CA5B: variants seen among roughly 807,000 people sequenced by gnomAD.
CA5B encodes carbonic anhydrase 5B, mitochondrial.
In CA5B, 15 loss-of-function variants were observed where a neutral mutation model predicts 23.1. That is an observed-to-expected ratio of 0.65 (90% CI 0.43 to 1.00). The LOEUF (loss-of-function observed/expected upper bound fraction) is 1.00. CA5B is among the 50% of genes least tolerant of loss of function. CA5B has a pLI of 0.00. For synonymous variants in CA5B, 84 were observed against 98.5 expected (o/e 0.85, Z 0.87); for missense variants, 236 against 252.2 (o/e 0.94, Z 0.43).
chrX:15,769,227 T>C (rs1264713179), intron 3 of CA5B, among the ~76,000 whole-genome samples: 1 of 111,290 alleles, frequency 9.0e-6, no homozygotes, highest in Non-Finnish European at 1.9e-5. Flanking sequence ...AAGACTCAAA[T>C]TACTAAACTC....
chrX:15,770,601 A>G (rs1407450067), intron 3 of CA5B, among the ~76,000 whole-genome samples: 3 of 108,913 alleles, frequency 2.8e-5, no homozygotes, highest in South Asian at 4.1e-4. Flanking sequence ...CTTGATGACT[A>G]TATTTCCTTC....
At position 15,784,328 on chromosome X, in the gene CA5B, A is replaced by G. The variant is rs1377620594; in HGVS notation, c.*1664A>G. ...AGAGCTATCCCGTCTTCCCTTTACAACTGTCTGAACTTTATTTACTCATTA... is the reference window on the plus strand; with the variant it reads ...AGAGCTATCCCGTCTTCCCTTTACAGCTGTCTGAACTTTATTTACTCATTA... On this transcript the variant is annotated 3_prime_UTR_variant, in exon 8 of 8. Transcript: ENST00000318636. 7.1e-5 allele frequency: 8 copies of G among 112,689 alleles called. No homozygotes were observed. The highest frequency in any genetic ancestry group is 2.6e-4 in the African/African-American group (8 of 31,044). 9.3% of individuals were successfully genotyped at this position (112,689 alleles called of 1,213,427 possible).
chrX:15,740,372 G>T (rs1931093962), intron 1 of CA5B, among the ~76,000 whole-genome samples: 1 of 112,749 alleles, frequency 8.9e-6, no homozygotes, highest in African/African-American at 3.2e-5. Flanking sequence ...CAGTGAGTAA[G>T]TTTAAATAAC....
chrX:15,743,421 C>T (rs768627424), intron 1 of CA5B, among the ~76,000 whole-genome samples: 1 of 112,382 alleles, frequency 8.9e-6, no homozygotes, highest in South Asian at 3.7e-4. Flanking sequence ...ACCTGTATCC[C>T]CTACTAAAAT....
intron 3 of CA5B, among the ~76,000 whole-genome samples, chrX:15,768,176 T>C (rs7054868): frequency 0.4 from 44,030 of 109,297 alleles, 6,810 homozygotes; most frequent in African/African-American, 0.53. Flanking sequence ...AGATTATAGG[T>C]GTGAGCCACT....
chrX:15,778,775 G>A lies in CA5B; in HGVS notation c.774+1906G>A, dbSNP rs183999850. On this transcript the variant is annotated intron_variant, in intron 7 of 7. Coordinates refer to ENST00000318636, the MANE Select transcript of CA5B (RefSeq NM_007220.4). ...GAAGAGAGAGAGAGAGATGGGGGAA[G>A]TGCCACACACTTTTAAACCGTCAGA... Among the ~76,000 whole-genome samples, 157 of 110,470 alleles carry A rather than the reference G, an allele frequency of 1.4e-3. 1 individual carries two copies. The highest frequency in any genetic ancestry group is 2.6e-3 in the Non-Finnish European group (136 of 52,878).
chrX:15,781,357 C>T (rs1271518734), intron 7 of CA5B, among the ~76,000 whole-genome samples: 1 of 111,847 alleles, frequency 8.9e-6, no homozygotes, highest in Non-Finnish European at 1.9e-5. Flanking sequence ...AGAGAACAAG[C>T]CGTTGATATT....
chrX:15,741,052 C>T (rs1242718076), intron 1 of CA5B, among the ~76,000 whole-genome samples: 1 of 109,899 alleles, frequency 9.1e-6, no homozygotes, highest in Non-Finnish European at 1.9e-5. Context: ...ACAGAGACCC[C>T]ATCTCGTTCT....
At chrX:15,782,106 T>G (rs1266170562) in intron 7 of CA5B, among the ~76,000 whole-genome samples, 1 of 112,414 alleles carries the variant, frequency 8.9e-6, no homozygotes, top group Non-Finnish European at 1.9e-5. Context: ...GGGCTTTCCT[T>G]TCTCATTCTG....
intron 1 of CA5B, among the ~76,000 whole-genome samples, chrX:15,742,879 G>A (rs932323715): frequency 8.9e-6 from 1 of 111,914 alleles, no homozygotes; most frequent in Admixed American, 9.4e-5. Context: ...GGTGGAACTG[G>A]CATCTATTGG....
chrX:15,774,847 C>G (rs1015469567), intron 5 of CA5B, among the ~76,000 whole-genome samples: 3 of 111,339 alleles, frequency 2.7e-5, no homozygotes, highest in Non-Finnish European at 5.7e-5. Context: ...CCCCCACCAC[C>G]AAAAAAATAT....
chrX:15,783,864 A>G lies in CA5B; in HGVS notation c.*1200A>G, dbSNP rs754119851. The G allele has an allele frequency of 9.7e-6, 1 of 103,571 alleles. No individual in the cohort carries two copies. The highest frequency in any genetic ancestry group is 4.2e-4 in the South Asian group (1 of 2,400). The allele number at this position is 103,571 out of a possible 1,213,427, so 8.5% of individuals were successfully genotyped here. Reference sequence around the variant, plus strand: ...AGAACTTAGAATTCTTTCATTGCACATTTCCAGAAATATTTTTCTTTTCTT... The same window carrying G: ...AGAACTTAGAATTCTTTCATTGCACGTTTCCAGAAATATTTTTCTTTTCTT... On this transcript the variant is annotated 3_prime_UTR_variant, in exon 8 of 8. Transcript: ENST00000318636.
intron 2 of CA5B, 36 bp from the exon 3 acceptor site, chrX:15,764,542 A>G (rs915110190): frequency 6.6e-6 from 8 of 1,207,879 alleles, no homozygotes; most frequent in Non-Finnish European, 9.0e-6. Flanking sequence ...ACTCGGTCCA[A>G]CAGTCTTGAT....
intron 2 of CA5B, among the ~76,000 whole-genome samples, chrX:15,751,771 C>G (rs1931359780): frequency 9.0e-6 from 1 of 111,038 alleles, no homozygotes; most frequent in South Asian, 3.7e-4. Context: ...TTATACTGTT[C>G]CAACCTGTTT....
chrX:15,771,452 A>T (rs1050879503), intron 3 of CA5B, among the ~76,000 whole-genome samples: 1 of 107,142 alleles, frequency 9.3e-6, no homozygotes, highest in Middle Eastern at 4.8e-3. Flanking sequence ...TTTGCGACAG[A>T]GTCTCGGTCT....
chrX:15,750,163 C>T lies in CA5B; in HGVS notation c.140C>T (p.Ala47Val), dbSNP rs756873583. The T allele has an allele frequency of 4.9e-5, 58 of 1,194,362 alleles. 1 individual carries two copies. Among genetic ancestry groups the T allele is most frequent in the East Asian group, 5.9e-5 (2 of 33,724 alleles). Reference sequence around the variant, plus strand: ...TGTACTTACAAAACCCGGAACCGAGCCTGTGAGTACACCACTTCCTTAAAG... The same window carrying T: ...TGTACTTACAAAACCCGGAACCGAGTCTGTGAGTACACCACTTCCTTAAAG... ...YTCTYKTRNR[A>V]LHPLWESVDL... Residue 47 changes from alanine to valine, a missense_variant and splice_region_variant, in exon 2 of 8, where the codon GCC (alanine) becomes GTC (valine). Transcript: ENST00000318636.
chrX:15,776,807 C>T lies in CA5B; in HGVS notation c.712C>T (p.Pro238Ser), dbSNP rs1461482606. ...WTYSGSLTTPPLSESVTWIIK... is the reference protein window; with the variant it reads ...WTYSGSLTTPSLSESVTWIIK... ...CTACTCAGGGTCTCTGACTACCCCA[C>T]CCCTCTCCGAGTCTGTCACCTGGAT... Residue 238 changes from proline (P) to serine (S), a missense_variant, in exon 7 of 8, where the codon CCC (proline) becomes TCC (serine). Physicochemically the swap from Pro to Ser is moderately conservative, Grantham distance 74. Around this residue, in one of 3 missense-constraint regions of CA5B, gnomAD observed 170 missense variants for 162.0 expected, o/e 1.05. Coordinates refer to ENST00000318636, the MANE Select transcript of CA5B (RefSeq NM_007220.4). 15 of 1,207,321 alleles carry T rather than the reference C, an allele frequency of 1.2e-5. No homozygotes were observed. The highest frequency in any genetic ancestry group is 1.3e-5 in the Non-Finnish European group (12 of 892,735).
At chrX:15,757,567 G>T (rs928284119) in intron 2 of CA5B, among the ~76,000 whole-genome samples, 1 of 109,867 alleles carries the variant, frequency 9.1e-6, no homozygotes, top group Non-Finnish European at 1.9e-5. Context: ...AATTAGCCGG[G>T]CATGGTGACA....
chrX:15,745,183 A>AAAAAAAAG (rs1555992328), intron 1 of CA5B, among the ~76,000 whole-genome samples: 6 of 86,790 alleles, frequency 6.9e-5, no homozygotes, highest in African/African-American at 1.6e-4. Flanking sequence ...AAAAAAAAAA[A>AAAAAAAAG]AAAAGAAAAG....
Sources: gnomAD v4.1 joint callset for allele counts (sites outside exome capture counted in the v4.1 genomes callset) on GRCh38, gnomAD v4.1.1 for gene constraint, gnomAD v4.1.1 regional missense constraint, MANE v1.5 for transcripts, NCBI Gene and HGNC (gene_info 2026-07-23, HGNC 2026-07-21) for gene names.